Variants in DOCK2 observed in about 807,000 individuals in gnomAD.
DOCK2 encodes the protein dedicator of cytokinesis 2.
Under a neutral mutation model 248.9 loss-of-function variants are expected in DOCK2, and 87 were observed. The ratio of observed to expected loss-of-function variants is 0.35; its 90% CI spans 0.29 to 0.42. DOCK2 has a LOEUF of 0.42. Among genes scored for constraint, DOCK2 ranks in the 10% least tolerant of loss-of-function variants. DOCK2 has a pLI of 1.00. For missense variants in DOCK2, 1,747 were observed against 2,300.2 expected, an observed-to-expected ratio of 0.76 and a Z score of 4.92; for synonymous variants, 805 against 821.6, an observed-to-expected ratio of 0.98 and a Z score of 0.35.
chr5:169,880,669 T>C (rs888297131), intron 27 of DOCK2, among the ~76,000 whole-genome samples: 2 of 152,176 alleles, frequency 1.3e-5, no homozygotes, highest in Non-Finnish European at 2.9e-5. Flanking sequence ...ATTATTTCAT[T>C]TGGTCTTCAT....
In DOCK2 at chr5:169,860,970, A is replaced by G. The variant is rs1771161580; in HGVS notation, c.2799+20118A>G. On this transcript the variant is annotated intron_variant, in intron 27 of 51. Transcript: ENST00000520908. ...GGCGATATAAATTTGCCTTTTAAGG[A>G]AAAAAATTAAGGGGGAAATAAAGAA... Among the ~76,000 whole-genome samples the G allele has an allele frequency of 2.0e-5, 3 of 152,302 alleles. No homozygotes were observed. In the South Asian group the frequency reaches 6.2e-4, roughly 32 times the overall value.
At chr5:169,637,864 CAG>C (rs1487860675) in intron 1 of DOCK2, among the ~76,000 whole-genome samples, 1 of 152,200 alleles carries the variant, frequency 6.6e-6, no homozygotes, top group Non-Finnish European at 1.5e-5. Flanking sequence ...ATCCAGAGGG[CAG>C]CTCAAGCTTG....
intron 38 of DOCK2, among the ~76,000 whole-genome samples, chr5:170,044,190 C>T (rs1029578127): frequency 3.9e-5 from 6 of 152,284 alleles, no homozygotes; most frequent in Admixed American, 2.6e-4. Context: ...TGCCATCACC[C>T]GATAGACTCC....
At chr5:169,748,464 TC>T (rs1763731643) in intron 23 of DOCK2, among the ~76,000 whole-genome samples, 1 of 152,168 alleles carries the variant, frequency 6.6e-6, no homozygotes, top group African/African-American at 2.4e-5. Flanking sequence ...TTTAAAAAAT[TC>T]CCCAGGTGAT....
chr5:170,011,411 C>T (rs1755287795), intron 32 of DOCK2, among the ~76,000 whole-genome samples: 1 of 152,158 alleles, frequency 6.6e-6, no homozygotes, highest in African/African-American at 2.4e-5. Flanking sequence ...ATCACAGACT[C>T]CCTGCTGTTA....
chr5:169,713,623 G>A (rs1327004289), intron 17 of DOCK2, among the ~76,000 whole-genome samples: 1 of 152,064 alleles, frequency 6.6e-6, no homozygotes, highest in East Asian at 1.9e-4. Flanking sequence ...GCAAAACAGG[G>A]TCCAGATCCC....
intron 1 of DOCK2, among the ~76,000 whole-genome samples, chr5:169,648,781 A>T (rs545585834): frequency 6.6e-6 from 1 of 152,176 alleles, no homozygotes; most frequent in Admixed American, 6.5e-5. Flanking sequence ...CCCTTGGAAT[A>T]GTGTCTGGTA....
chr5:169,654,358 G>A, intron 1 of DOCK2, 45 bp from the exon 2 acceptor site: 1 of 1,605,346 alleles, frequency 6.2e-7, no homozygotes. Context: ...AGAGACTAAT[G>A]AGATCTAGAG....
chr5:169,856,340 G>C (rs1770894020), intron 27 of DOCK2, among the ~76,000 whole-genome samples: 1 of 152,182 alleles, frequency 6.6e-6, no homozygotes, highest in South Asian at 2.1e-4. Flanking sequence ...TGTCTGCACT[G>C]CATTTTCCGC....
chr5:169,841,466 CT>C, intron 27 of DOCK2: 1 of 985,484 alleles, frequency 1.0e-6, no homozygotes, highest in African/African-American at 1.7e-5. Context: ...AATTCAAATG[CT>C]TTCAGGGGCC....
intron 49 of DOCK2, 168 bp downstream of exon 49, chr5:170,079,314 C>T (rs1327363907): frequency 4.3e-6 from 4 of 924,024 alleles, no homozygotes; most frequent in Middle Eastern, 3.5e-4. Flanking sequence ...AGTGCTTACT[C>T]GTGCCCAGGC....
chr5:169,876,992 C>T (rs1344230901), intron 27 of DOCK2, among the ~76,000 whole-genome samples: 2 of 152,278 alleles, frequency 1.3e-5, no homozygotes, highest in East Asian at 3.9e-4. Context: ...TATTACAATG[C>T]AATAGGATCA....
chr5:169,994,662 C>G (rs1464038946), intron 29 of DOCK2, among the ~76,000 whole-genome samples: 1 of 152,114 alleles, frequency 6.6e-6, no homozygotes, highest in Admixed American at 6.5e-5. Flanking sequence ...AAGGGACATT[C>G]TACACAAAGA....
intron 6 of DOCK2, among the ~76,000 whole-genome samples, chr5:169,679,861 G>A (rs7727654): frequency 0.2 from 30,013 of 152,062 alleles, 3,286 homozygotes; most frequent in South Asian, 0.31. Flanking sequence ...TGATAGAGAT[G>A]AAGACTTAGT....
chr5:170,078,260 A>G (rs1757908303), intron 48 of DOCK2, among the ~76,000 whole-genome samples: 1 of 150,214 alleles, frequency 6.7e-6, no homozygotes, highest in East Asian at 2.0e-4. Flanking sequence ...CCACCTACCC[A>G]CCCCTCTGTC....
At chr5:170,049,891 C>G (rs909632163) in intron 40 of DOCK2, among the ~76,000 whole-genome samples, 15 of 152,212 alleles carry the variant, frequency 9.9e-5, no homozygotes, top group Non-Finnish European at 1.6e-4. Flanking sequence ...GCCCACAGGT[C>G]CAGCCCACAT....
At chr5:169,982,019 A>G (rs1777951741) in intron 27 of DOCK2, among the ~76,000 whole-genome samples, 1 of 152,128 alleles carries the variant, frequency 6.6e-6, no homozygotes, top group African/African-American at 2.4e-5. Flanking sequence ...TTTATTAACA[A>G]AAGAGGAACT....
At chr5:169,760,817 G>A (rs569542669) in intron 24 of DOCK2, among the ~76,000 whole-genome samples, 7 of 152,220 alleles carry the variant, frequency 4.6e-5, no homozygotes, top group East Asian at 3.9e-4. Context: ...ATTTCTCTGC[G>A]CTTTGCCTGT....
intron 2 of DOCK2, among the ~76,000 whole-genome samples, chr5:169,668,237 C>T (rs1758842855): frequency 6.6e-6 from 1 of 152,056 alleles, no homozygotes; most frequent in Non-Finnish European, 1.5e-5. Context: ...TTTTTATTTC[C>T]CACCTGAGAT....
Sources: gnomAD v4.1 joint callset for allele counts (sites outside exome capture counted in the v4.1 genomes callset) on GRCh38, gnomAD v4.1.1 for gene constraint, MANE v1.5 for transcripts, NCBI Gene and HGNC (gene_info 2026-07-23, HGNC 2026-07-21) for gene names.